The following ATP13A3 variants were observed in gnomAD, a reference collection of about 807,000 sequenced individuals.
ATP13A3 encodes ATPase 13A3, also known as polyamine-transporting ATPase 13A3.
A neutral mutation model predicts 158.1 loss-of-function variants in ATP13A3; 59 were observed. The ratio of observed to expected loss-of-function variants is 0.37; its 90% CI spans 0.30 to 0.46. The LOEUF (loss-of-function observed/expected upper bound fraction) is 0.46, where lower values mean the gene tolerates loss of function less well. Ranked by LOEUF, ATP13A3 falls within the 20% of genes least tolerant of loss-of-function variation. The pLI is 1.00. For missense variants in ATP13A3, 1,166 were observed against 1,525.2 expected, an observed-to-expected ratio of 0.76 and a Z score of 3.92; for synonymous variants, 491 against 504.3, an observed-to-expected ratio of 0.97 and a Z score of 0.35.
rs1006429787 is a variant in ATP13A3 at position 194,494,100 on chromosome 3, C to T, written n.696G>A. On this transcript the variant is annotated non_coding_transcript_exon_variant, in exon 2 of 33. Coordinates refer to the ATP13A3 transcript ENST00000687055. This position sits in a 1 kb window ranked among gnomAD's most constrained non-coding sequence, Gnocchi z 4.2. ...CCAGACACTTTGCTCCAGGGCCAAACTCTTGACCACTATAACCAAATGAAG... is the reference window on the plus strand; with the variant it reads ...CCAGACACTTTGCTCCAGGGCCAAATTCTTGACCACTATAACCAAATGAAG... 3 of 398,412 alleles carry T rather than the reference C, an allele frequency of 7.5e-6. No individual in the cohort carries two copies. Among genetic ancestry groups the T allele is most frequent in the African/African-American group, 4.1e-5 (2 of 48,592 alleles). The allele number at this position is 398,412 out of a possible 1,614,324, so 24.7% of individuals were successfully genotyped here. A position where few individuals can be genotyped will look rare whatever the true frequency, so the allele number is the denominator to read the frequency against.
At chr3:194,483,589 C>CAA (rs5855582) in intron 2 of ATP13A3, among the ~76,000 whole-genome samples, 3 of 151,492 alleles carry the variant, frequency 2.0e-5, no homozygotes, top group African/African-American at 7.3e-5. Context: ...GACCCTATCT[C>CAA]AAAAAAACTC....
chr3:194,457,293 A>C, intron 6 of ATP13A3, 119 bp from the exon 7 acceptor site: 1 of 651,820 alleles, frequency 1.5e-6, no homozygotes, highest in Non-Finnish European at 2.6e-6. Flanking sequence ...ATCCTTAGAA[A>C]CCCTTAACAA....
chr3:194,421,646 G>A lies in ATP13A3; in HGVS notation c.3314-1679C>T, dbSNP rs535998099. Among the ~76,000 whole-genome samples, 3 of 151,416 alleles carry A rather than the reference G, an allele frequency of 2.0e-5. No individual in the cohort carries two copies. The South Asian group carries it at 6.2e-4, about 32-fold the overall frequency. ...AAATGTGACATCCTGTTTCACAAATGCAGCAACTAAAGTATCATGTAAGTT... is the reference window on the plus strand; with the variant it reads ...AAATGTGACATCCTGTTTCACAAATACAGCAACTAAAGTATCATGTAAGTT... On this transcript the variant is annotated intron_variant, in intron 30 of 33. Coordinates refer to ENST00000645319, the MANE Select transcript of ATP13A3 (RefSeq NM_001367549.1).
intron 30 of ATP13A3, among the ~76,000 whole-genome samples, chr3:194,423,197 T>C (rs1185390716): frequency 6.6e-6 from 1 of 152,038 alleles, no homozygotes; most frequent in Non-Finnish European, 1.5e-5. Context: ...ACTGTGAAGC[T>C]CAAGTTGAAA....
At chr3:194,472,481 T>C (rs1234106719) in intron 2 of ATP13A3, among the ~76,000 whole-genome samples, 1 of 152,194 alleles carries the variant, frequency 6.6e-6, no homozygotes, top group Non-Finnish European at 1.5e-5. Context: ...CTTTCACCAC[T>C]AGGGGATGTT....
chr3:194,481,700 T>C (rs1034422883), intron 2 of ATP13A3, among the ~76,000 whole-genome samples: 1 of 152,234 alleles, frequency 6.6e-6, no homozygotes, highest in African/African-American at 2.4e-5. Flanking sequence ...CAAGTATTTT[T>C]ACTTCAAACT....
At chr3:194,469,431 G>A (rs749931632) in intron 2 of ATP13A3, among the ~76,000 whole-genome samples, 1 of 151,956 alleles carries the variant, frequency 6.6e-6, no homozygotes, top group African/African-American at 2.4e-5. Flanking sequence ...ACTGCACTCC[G>A]GCCTGGGAAC....
At chr3:194,418,704 A>G (rs951787163) in intron 31 of ATP13A3, among the ~76,000 whole-genome samples, 1 of 152,224 alleles carries the variant, frequency 6.6e-6, no homozygotes, top group Non-Finnish European at 1.5e-5. Context: ...TGATTGATAC[A>G]ATCACTTTGG....
At position 194,486,753 on chromosome 3, in the gene ATP13A3, G is replaced by GGGGCC. The variant is rs1720999386; in HGVS notation, c.-281_-277dup. 6.6e-6 allele frequency: 1 copy of GGGGCC among 150,798 alleles called. No homozygotes were observed. The highest frequency in any genetic ancestry group is 1.5e-5 in the Non-Finnish European group (1 of 67,598). The allele number at this position is 150,798 out of a possible 1,614,324, so 9.3% of individuals were successfully genotyped here. ...GGGTGAGGGAAGGAGGCGCCGCGGC[G>GGGGCC]GGGCCGGGCCGGCCCTGGGACGTCC... On this transcript the variant is annotated 5_prime_UTR_variant, in exon 1 of 34. Coordinates refer to ENST00000645319, the MANE Select transcript of ATP13A3 (RefSeq NM_001367549.1).
At chr3:194,429,854 G>A (rs1203359993) in intron 26 of ATP13A3, 80 bp from the exon 27 acceptor site, 5 of 1,274,026 alleles carry the variant, frequency 3.9e-6, no homozygotes, top group Middle Eastern at 1.9e-4. Flanking sequence ...TATCTTGACA[G>A]ATGAACATCA....
intron 6 of ATP13A3, among the ~76,000 whole-genome samples, chr3:194,458,796 TA>T (rs1353487214): frequency 1.3e-5 from 2 of 152,180 alleles, no homozygotes; most frequent in Admixed American, 6.5e-5. Flanking sequence ...TGTATCTGAG[TA>T]AAAAATCCAG....
At chr3:194,455,596 T>C (rs1005866640) in intron 8 of ATP13A3, among the ~76,000 whole-genome samples, 1 of 152,188 alleles carries the variant, frequency 6.6e-6, no homozygotes, top group Admixed American at 6.5e-5. Context: ...CTCCTAAAAG[T>C]GTTCACCTAA....
intron 27 of ATP13A3, among the ~76,000 whole-genome samples, chr3:194,429,372 G>A (rs529392505): frequency 1.3e-3 from 198 of 152,326 alleles, no homozygotes; most frequent in Non-Finnish European, 1.6e-3. Context: ...GTGTCACCAT[G>A]AGTCTTTAGG....
At chr3:194,489,210 C>T (rs1018733613), upstream of ATP13A3, among the ~76,000 whole-genome samples, 1 of 152,090 alleles carries the variant, frequency 6.6e-6, no homozygotes, top group African/African-American at 2.4e-5. The surrounding 1 kb of genome is among the most constrained non-coding windows in gnomAD (Gnocchi z 4.1). Flanking sequence ...TTTGGGAGGC[C>T]GAGGCTGGTG....
At chr3:194,459,205 C>T (rs1719461282) in intron 6 of ATP13A3, 2 of 388,374 alleles carry the variant, frequency 5.1e-6, no homozygotes, top group Admixed American at 4.3e-5. Flanking sequence ...TGAGGTGAAA[C>T]AGGTAAGAAC....
upstream of ATP13A3, among the ~76,000 whole-genome samples, chr3:194,490,473 T>C (rs906851946): frequency 6.6e-6 from 1 of 152,214 alleles, no homozygotes; most frequent in African/African-American, 2.4e-5. This position sits in a 1 kb window ranked among gnomAD's most constrained non-coding sequence, Gnocchi z 4.4. Flanking sequence ...ATTTTGGAAT[T>C]CCTCCTCCCT....
Position 194,440,923 on chromosome 3 carries a change from A to G in ATP13A3, c.1710+388T>C, listed in dbSNP as rs571585222. Among the ~76,000 whole-genome samples the G allele has an allele frequency of 3.3e-5, 5 of 152,350 alleles. No individual in the cohort carries two copies. In the South Asian group the frequency reaches 8.3e-4, roughly 25 times the overall value. ...GTGCATGTATGTGGACACAGTAAACAAAAGACAGGTAAAAAAGAGCAATGA... is the reference window on the plus strand; with the variant it reads ...GTGCATGTATGTGGACACAGTAAACGAAAGACAGGTAAAAAAGAGCAATGA... On this transcript the variant is annotated intron_variant, in intron 16 of 33. Transcript: ENST00000645319.
At chr3:194,466,184 A>ATTCT (rs1348756875) in intron 2 of ATP13A3, among the ~76,000 whole-genome samples, 1 of 152,174 alleles carries the variant, frequency 6.6e-6, no homozygotes, top group Non-Finnish European at 1.5e-5. Context: ...CACCTTAAGA[A>ATTCT]AAGCAGAGAA....
chr3:194,431,372 A>G, intron 22 of ATP13A3, 146 bp from the exon 23 acceptor site: 1 of 1,041,426 alleles, frequency 9.6e-7, no homozygotes, highest in South Asian at 1.9e-5. Flanking sequence ...TTCAAAGTAA[A>G]AAGAAACTCA....
Sources: allele counts gnomAD v4.1 joint callset (sites outside exome capture counted in the v4.1 genomes callset), GRCh38; gene constraint gnomAD v4.1.1; non-coding constraint Gnocchi (gnomAD v3.1); transcripts MANE v1.5; gene names NCBI Gene and HGNC (gene_info 2026-07-23, HGNC 2026-07-21).